The following POU4F2 variants were observed in gnomAD, a reference collection of about 807,000 sequenced individuals.
POU4F2 encodes POU domain, class 4, transcription factor 2.
Under a neutral mutation model 21.5 loss-of-function variants are expected in POU4F2, and 10 were observed. That is an observed-to-expected ratio of 0.46 (90% CI 0.29 to 0.79). POU4F2 has a LOEUF of 0.79. Ranked by LOEUF, POU4F2 falls within the 30% of genes least tolerant of loss-of-function variation. The pLI is 0.10. For missense variants in POU4F2, 623 were observed against 603.3 expected, an observed-to-expected ratio of 1.03 and a Z score of -0.34; for synonymous variants, 324 against 271.1, an observed-to-expected ratio of 1.20 and a Z score of -1.92.
At position 146,639,216 on chromosome 4, in the gene POU4F2, T is replaced by C; in HGVS notation, c.76T>C (p.Tyr26His). The change falls in exon 1 of 2, where the codon TAC (tyrosine) becomes CAC (histidine). Residue 26 changes from tyrosine (Y) to histidine (H), a missense_variant. Physicochemically the swap from Tyr to His is moderately conservative, Grantham distance 83. Transcript: ENST00000281321. ...CGGCAGCCTGCACGTGGAGCCCAAG[T>C]ACTCGGCACTGCACAGCACCTCGCC... ...HGGSLHVEPK[Y>H]SALHSTSPGS... 6.2e-7 allele frequency: 1 copy of C among 1,606,170 alleles called. No individual in the cohort carries two copies. The highest frequency in any genetic ancestry group is 8.5e-7 in the Non-Finnish European group (1 of 1,177,114).
chr4:146,639,739 T>G, intron 1 of POU4F2, 128 bp from the exon 2 acceptor site: 1 of 999,746 alleles, frequency 1.0e-6, no homozygotes, highest in East Asian at 2.9e-5. Context: ...ATTATTATTA[T>G]TATTATTTTA....
In POU4F2 at chr4:146,639,399, A is replaced by T; in HGVS notation, c.259A>T (p.Met87Leu). ...GSSGGGGSEA[M>L]RRACLPTPPS... The stretch of plus-strand genomic sequence containing the variant: ...CAGCGGCGGCGGGGGCTCGGAGGCT[A>T]TGCGGAGAGCCTGTCTTCCAACCCC... The change falls in exon 1 of 2, where the codon ATG becomes TTG. Residue 87 changes from methionine to leucine, a missense_variant. Met to Leu is a conservative substitution (Grantham distance 15). This residue lies in a region of POU4F2 where 523 missense variants were observed against 504.1 expected (regional missense o/e 1.04). Coordinates refer to ENST00000281321, the MANE Select transcript of POU4F2 (RefSeq NM_004575.3). The T allele has an allele frequency of 6.8e-7, 1 of 1,468,276 alleles. No individual in the cohort carries two copies. The highest frequency in any genetic ancestry group is 8.9e-7 in the Non-Finnish European group (1 of 1,118,018). 91.0% of individuals were successfully genotyped at this position (1,468,276 alleles called of 1,614,324 possible).
In POU4F2 at chr4:146,640,683, C is replaced by T; in HGVS notation, c.1105C>T (p.Arg369Trp). 1.2e-6 allele frequency: 2 copies of T among 1,614,266 alleles called. No individual in the cohort carries two copies. Among genetic ancestry groups the T allele is most frequent in the South Asian group, 1.1e-5 (1 of 91,086 alleles). Residue 369 changes from arginine to tryptophan, a missense_variant, in exon 2 of 2, where the codon CGG becomes TGG. Coordinates refer to ENST00000281321, the MANE Select transcript of POU4F2 (RefSeq NM_004575.3). This position sits in a 1 kb window ranked among gnomAD's most constrained non-coding sequence, Gnocchi z 4.8. ...SLEAYFAIQP[R>W]PSSEKIAAIA... ...CGAAGCCTACTTTGCCATTCAGCCT[C>T]GGCCCTCCTCTGAAAAGATCGCCGC... is the stretch of plus-strand genomic sequence containing the variant.
At position 146,640,863 on chromosome 4, in the gene POU4F2, T is replaced by C; in HGVS notation, c.*55T>C. On this transcript the variant is annotated 3_prime_UTR_variant, in exon 2 of 2. Coordinates refer to ENST00000281321, the MANE Select transcript of POU4F2 (RefSeq NM_004575.3). This position sits in a 1 kb window ranked among gnomAD's most constrained non-coding sequence, Gnocchi z 4.8. ...TTTCCTCGTCCGCTCTTTTCTCTCCTCTCTTCTGCCTCTTTTCACTTTTGG... is the reference window on the plus strand; with the variant it reads ...TTTCCTCGTCCGCTCTTTTCTCTCCCCTCTTCTGCCTCTTTTCACTTTTGG... The C allele has an allele frequency of 6.7e-7, 1 of 1,490,930 alleles. No homozygotes were observed. Among genetic ancestry groups the C allele is most frequent in the Non-Finnish European group, 9.0e-7 (1 of 1,113,554 alleles). 92.4% of individuals were successfully genotyped at this position (1,490,930 alleles called of 1,614,324 possible).
Position 146,640,184 on chromosome 4 carries a change from G to A in POU4F2, c.606G>A (p.Leu202=), listed in dbSNP as rs780920421. The A allele has an allele frequency of 1.0e-5, 16 of 1,588,824 alleles. No homozygotes were observed. The South Asian group carries it at 1.7e-4, about 17-fold the overall frequency. The stretch of plus-strand genomic sequence containing the variant: ...AGCACCTGAGTCCCGGGCTGGCCCT[G>A]GGCGCTATGGCGGGCCCCGACGGCG... The part of the protein sequence containing the change: ...LLEHLSPGLA[L]GAMAGPDGAV... Residue 202 remains leucine, a synonymous_variant, in exon 2 of 2, where the codon CTG becomes CTA. Coordinates refer to ENST00000281321, the MANE Select transcript of POU4F2 (RefSeq NM_004575.3). This position sits in a 1 kb window ranked among gnomAD's most constrained non-coding sequence, Gnocchi z 4.8.
Position 146,640,676 on chromosome 4 carries a change from T to C in POU4F2, c.1098T>C (p.Ile366=). 6.2e-7 allele frequency: 1 copy of C among 1,614,244 alleles called. No individual in the cohort carries two copies. The highest frequency in any genetic ancestry group is 8.5e-7 in the Non-Finnish European group (1 of 1,180,046). The change falls in exon 2 of 2, where the codon ATT becomes ATC. Residue 366 remains isoleucine (I), a synonymous_variant. Coordinates refer to ENST00000281321, the MANE Select transcript of POU4F2 (RefSeq NM_004575.3). The surrounding 1 kb of genome is among the most constrained non-coding windows in gnomAD (Gnocchi z 4.8). The stretch of plus-strand genomic sequence containing the variant: ...GCTCGCTCGAAGCCTACTTTGCCAT[T>C]CAGCCTCGGCCCTCCTCTGAAAAGA... ...EKRSLEAYFA[I]QPRPSSEKIA...
At position 146,640,975 on chromosome 4, in the gene POU4F2, G is replaced by T. The variant is rs575847464; in HGVS notation, c.*167G>T. 7.7e-6 allele frequency: 5 copies of T among 645,768 alleles called. No individual in the cohort carries two copies. The highest frequency in any genetic ancestry group is 3.7e-5 in the Admixed American group (1 of 27,252). 40.0% of individuals were successfully genotyped at this position (645,768 alleles called of 1,614,324 possible). On this transcript the variant is annotated 3_prime_UTR_variant, in exon 2 of 2. Transcript: ENST00000281321. This position sits in a 1 kb window ranked among gnomAD's most constrained non-coding sequence, Gnocchi z 4.8. ...ACGAGCGAACAACTGAGCCCAAGCC[G>T]GTGAGAATGTGAAACAGTTTCTCAA...
Position 146,640,307 on chromosome 4 carries a change from G to T in POU4F2, c.729G>T (p.Ser243=). ...LSMAHAHGLP[S]HMGCMSDVDA... ...TGGCCCACGCGCACGGGCTGCCGTCGCACATGGGCTGCATGAGCGACGTGG... is the reference window on the plus strand; with the variant it reads ...TGGCCCACGCGCACGGGCTGCCGTCTCACATGGGCTGCATGAGCGACGTGG... Residue 243 remains serine (S), a synonymous_variant, in exon 2 of 2, where the codon TCG becomes TCT. Transcript: ENST00000281321. This position sits in a 1 kb window ranked among gnomAD's most constrained non-coding sequence, Gnocchi z 4.8. 6.4e-7 allele frequency: 1 copy of T among 1,564,620 alleles called. No homozygotes were observed. Among genetic ancestry groups the T allele is most frequent in the Non-Finnish European group, 8.6e-7 (1 of 1,158,920 alleles).
rs759244883 is a variant in POU4F2 at position 146,640,797 on chromosome 4, G to A, written c.1219G>A (p.Ala407Thr). Reference sequence around the variant, plus strand: ...GAAACAGAAAAGAATGAAATATTCCGCCGGCATTTAGAAGACTCTTGGCCT... The same window carrying A: ...GAAACAGAAAAGAATGAAATATTCCACCGGCATTTAGAAGACTCTTGGCCT... The part of the protein sequence containing the change: ...RQKQKRMKYS[A>T]GI Residue 407 changes from alanine to threonine, a missense_variant, in exon 2 of 2, where the codon GCC becomes ACC. Ala to Thr is a moderately conservative substitution (Grantham distance 58, BLOSUM62 0). This residue lies in a region of POU4F2 where 523 missense variants were observed against 504.1 expected (regional missense o/e 1.04). Coordinates refer to ENST00000281321, the MANE Select transcript of POU4F2 (RefSeq NM_004575.3). This position sits in a 1 kb window ranked among gnomAD's most constrained non-coding sequence, Gnocchi z 4.8. 16 of 1,604,016 alleles carry A rather than the reference G, an allele frequency of 1.0e-5. No homozygotes were observed. In the East Asian group the frequency reaches 1.8e-4, roughly 18 times the overall value.
intron 1 of POU4F2, 46 bp downstream of exon 1, chr4:146,639,474 C>G: frequency 6.9e-7 from 1 of 1,446,784 alleles, no homozygotes; most frequent in Non-Finnish European, 9.1e-7. Flanking sequence ...ATTTTGACAG[C>G]CCCCTTTATC....
rs773565628 is a variant in POU4F2, at chr4:146,639,926, C to T, written c.348C>T (p.Ala116=). The T allele has an allele frequency of 2.7e-5, 43 of 1,593,780 alleles. No individual in the cohort carries two copies. The highest frequency in any genetic ancestry group is 3.6e-5 in the Non-Finnish European group (42 of 1,169,546). Residue 116 remains alanine (A), a synonymous_variant, in exon 2 of 2, where the codon GCC becomes GCT. Coordinates refer to ENST00000281321, the MANE Select transcript of POU4F2 (RefSeq NM_004575.3). ...SLLARAEALA[A]VDIVSQSKSH... is the part of the protein sequence containing the mutation. ...TGGCCCGCGCCGAGGCTCTGGCAGCCGTGGACATCGTCTCCCAGAGCAAGA... is the reference window on the plus strand; with the variant it reads ...TGGCCCGCGCCGAGGCTCTGGCAGCTGTGGACATCGTCTCCCAGAGCAAGA...
rs1391357768 is a variant in POU4F2 at position 146,641,704 on chromosome 4, T to A, written c.*896T>A. On this transcript the variant is annotated 3_prime_UTR_variant, in exon 2 of 2. Transcript: ENST00000281321. Reference sequence around the variant, plus strand: ...AGATTGTTTTTTTCTTTGTTTTTACTGGTAGTGTTCTGATTTGTGAGTCGA... The same window carrying A: ...AGATTGTTTTTTTCTTTGTTTTTACAGGTAGTGTTCTGATTTGTGAGTCGA... 6.6e-6 allele frequency: 1 copy of A among 152,650 alleles called. No individual in the cohort carries two copies. Among genetic ancestry groups the A allele is most frequent in the Non-Finnish European group, 1.5e-5 (1 of 68,042 alleles). The allele number at this position is 152,650 out of a possible 1,614,324, so 9.5% of individuals were successfully genotyped here. A position where few individuals can be genotyped will look rare whatever the true frequency, so the allele number is the denominator to read the frequency against.
At chr4:146,639,772 G>T (rs943861126) in intron 1 of POU4F2, 95 bp from the exon 2 acceptor site, 2 of 1,222,688 alleles carry the variant, frequency 1.6e-6, no homozygotes, top group Non-Finnish European at 2.3e-6. Context: ...TGTTGTAGGC[G>T]CGGCGACGGT....
rs751581466 is a variant in POU4F2, at chr4:146,640,703, C to T, written c.1125C>T (p.Ile375=). 2 of 1,614,256 alleles carry T rather than the reference C, an allele frequency of 1.2e-6. No individual in the cohort carries two copies. Among genetic ancestry groups the T allele is most frequent in the Non-Finnish European group, 8.5e-7 (1 of 1,180,038 alleles). The change falls in exon 2 of 2, where the codon ATC becomes ATT. Residue 375 remains isoleucine, a synonymous_variant. Transcript: ENST00000281321. This position sits in a 1 kb window ranked among gnomAD's most constrained non-coding sequence, Gnocchi z 4.8. The part of the protein sequence containing the change: ...AIQPRPSSEK[I]AAIAEKLDLK... ...AGCCTCGGCCCTCCTCTGAAAAGAT[C>T]GCCGCCATCGCGGAGAAGCTGGACC... is the stretch of plus-strand genomic sequence containing the variant.
At position 146,639,271 on chromosome 4, in the gene POU4F2, C is replaced by T; in HGVS notation, c.131C>T (p.Ala44Val). 1 of 1,567,280 alleles carries T rather than the reference C, an allele frequency of 6.4e-7. No homozygotes were observed. The highest frequency in any genetic ancestry group is 8.6e-7 in the Non-Finnish European group (1 of 1,160,676). The change falls in exon 1 of 2, where the codon GCC (alanine) becomes GTC (valine). Residue 44 changes from alanine (A) to valine (V), a missense_variant. By Grantham distance (64) the Ala-to-Val change is moderately conservative. Transcript: ENST00000281321. The stretch of plus-strand genomic sequence containing the variant: ...TCCTCGGCTCCCATCGCGCCCTCGG[C>T]CAGCTCCCCCAGCAGCTCGAGCAAC... ...PGSSAPIAPS[A>V]SSPSSSSNAG...
rs181847138 is a variant in POU4F2, at chr4:146,639,777, G to A, written c.289-90G>A. On this transcript the variant is annotated intron_variant, in intron 1 of 1. Coordinates refer to ENST00000281321, the MANE Select transcript of POU4F2 (RefSeq NM_004575.3). ...GATCTGGGAATGTTGTAGGCGCGGC[G>A]ACGGTGTCGAGCCCTGGGCCGGGGC... 270 of 1,280,554 alleles carry A rather than the reference G, an allele frequency of 2.1e-4. 1 individual carries two copies. The highest frequency in any genetic ancestry group is 2.5e-4 in the Non-Finnish European group (232 of 937,382). The allele number at this position is 1,280,554 out of a possible 1,614,324, so 79.3% of individuals were successfully genotyped here.
Position 146,641,406 on chromosome 4 carries a change from TAAGAA to T in POU4F2, c.*603_*607del, listed in dbSNP as rs1740885753. The T allele has an allele frequency of 1.3e-5, 2 of 152,640 alleles. No individual in the cohort carries two copies. The highest frequency in any genetic ancestry group is 2.9e-5 in the Non-Finnish European group (2 of 68,016). 9.5% of individuals were successfully genotyped at this position (152,640 alleles called of 1,614,324 possible). ...TTTCCTTCTCTGAAGTGTTAATGCT[TAAGAA>T]AAGAGTTGCGCCTGCTGTGTTCACT... On this transcript the variant is annotated 3_prime_UTR_variant, in exon 2 of 2. Transcript: ENST00000281321.
chr4:146,640,106 TCACCAC>T lies in POU4F2; in HGVS notation c.543_548del (p.His181_His182del), dbSNP rs746997301. 38 of 1,599,124 alleles carry T rather than the reference TCACCAC, an allele frequency of 2.4e-5. No homozygotes were observed. The highest frequency in any genetic ancestry group is 3.4e-5 in the Admixed American group (2 of 59,628). On this transcript the variant is annotated inframe_deletion, in exon 2 of 2. Transcript: ENST00000281321. The surrounding 1 kb of genome is among the most constrained non-coding windows in gnomAD (Gnocchi z 4.8). The stretch of plus-strand genomic sequence containing the variant: ...CGGGCACGCACCACCACCACCACCA[TCACCAC>T]CACCACCACCACCAACCGCACCAGG...
Position 146,640,197 on chromosome 4 carries a change from G to A in POU4F2, c.619G>A (p.Gly207Ser). 6.4e-7 allele frequency: 1 copy of A among 1,566,548 alleles called. No individual in the cohort carries two copies. Among genetic ancestry groups the A allele is most frequent in the Non-Finnish European group, 8.6e-7 (1 of 1,162,778 alleles). The stretch of plus-strand genomic sequence containing the variant: ...CGGGCTGGCCCTGGGCGCTATGGCG[G>A]GCCCCGACGGCGCTGTGGTGTCCAC... Reference protein sequence around the residue: ...SPGLALGAMAGPDGAVVSTPA... With the variant: ...SPGLALGAMASPDGAVVSTPA... Residue 207 changes from glycine to serine, a missense_variant, in exon 2 of 2, where the codon GGC becomes AGC. This residue lies in a region of POU4F2 where 523 missense variants were observed against 504.1 expected (regional missense o/e 1.04). Coordinates refer to ENST00000281321, the MANE Select transcript of POU4F2 (RefSeq NM_004575.3). The surrounding 1 kb of genome is among the most constrained non-coding windows in gnomAD (Gnocchi z 4.8).
Sources: allele counts gnomAD v4.1 joint callset, GRCh38; gene constraint gnomAD v4.1.1; regional missense constraint gnomAD v4.1.1; non-coding constraint Gnocchi (gnomAD v3.1); transcripts MANE v1.5; gene names NCBI Gene and HGNC (gene_info 2026-07-23, HGNC 2026-07-21).